The following EIF4EBP1 variants were observed in gnomAD, a reference collection of about 807,000 sequenced individuals.
The protein encoded by EIF4EBP1 is eukaryotic translation initiation factor 4E binding protein 1.
EIF4EBP1 carries 5 observed loss-of-function variants against 9.2 expected under a neutral mutation model. That is an observed-to-expected ratio of 0.54 (90% CI 0.28 to 1.14). The LOEUF (loss-of-function observed/expected upper bound fraction) is 1.14. Ranked by LOEUF, EIF4EBP1 falls within the 50% of genes most tolerant of loss-of-function variation. The pLI is 0.09. For synonymous variants in EIF4EBP1, 62 were observed against 67.0 expected (o/e 0.93, Z 0.36); for missense variants, 139 against 169.6 (o/e 0.82, Z 1.00).
intron 1 of EIF4EBP1, among the ~76,000 whole-genome samples, chr8:38,041,068 G>T (rs1361229966): frequency 5.9e-5 from 9 of 152,142 alleles, no homozygotes; most frequent in African/African-American, 2.2e-4. Flanking sequence ...CCAAAGTGCT[G>T]GGATTACAGG....
intron 1 of EIF4EBP1, among the ~76,000 whole-genome samples, chr8:38,050,935 C>G (rs1345928886): frequency 6.6e-6 from 1 of 152,128 alleles, no homozygotes; most frequent in South Asian, 2.1e-4. Flanking sequence ...TATCTTCACT[C>G]TTTATTCTGA....
In EIF4EBP1 at chr8:38,047,547, C is replaced by T. The variant is rs1490435277; in HGVS notation, c.146-9534C>T. Among the ~76,000 whole-genome samples the T allele has an allele frequency of 4.0e-5, 6 of 150,622 alleles. No individual in the cohort carries two copies. The East Asian group carries it at 9.8e-4, about 25-fold the overall frequency. ...TTGCCCAGGGTGGAATGCAGTGATG[C>T]GATCTCAACTCACTGCAACATCTGC... On this transcript the variant is annotated intron_variant, in intron 1 of 2. Coordinates refer to ENST00000338825, the MANE Select transcript of EIF4EBP1 (RefSeq NM_004095.4).
intron 1 of EIF4EBP1, 117 bp from the exon 2 acceptor site, chr8:38,056,964 C>T: frequency 9.1e-7 from 1 of 1,101,760 alleles, no homozygotes. Context: ...CACCCAGCCT[C>T]CTCTGGGTTT....
intron 1 of EIF4EBP1, among the ~76,000 whole-genome samples, chr8:38,033,081 T>C (rs1285440379): frequency 1.3e-5 from 2 of 149,150 alleles, no homozygotes; most frequent in East Asian, 3.9e-4. Flanking sequence ...TTTTTTTTTT[T>C]TGAGACAGGG....
chr8:38,045,904 AATT>A (rs1809442123), intron 1 of EIF4EBP1, among the ~76,000 whole-genome samples: 1 of 150,142 alleles, frequency 6.7e-6, no homozygotes, highest in Non-Finnish European at 1.5e-5. Flanking sequence ...ACACCTGACT[AATT>A]TTTTTTTTGT....
In EIF4EBP1 at chr8:38,057,306, T is replaced by C. The variant is rs761384193; in HGVS notation, c.325+46T>C. Reference sequence around the variant, plus strand: ...AGGCTCTACCTTGGGAAAGGGAATGTATGAGGCTCCTGGAGTCCATCCACT... The same window carrying C: ...AGGCTCTACCTTGGGAAAGGGAATGCATGAGGCTCCTGGAGTCCATCCACT... On this transcript the variant is annotated intron_variant, in intron 2 of 2. Coordinates refer to ENST00000338825, the MANE Select transcript of EIF4EBP1 (RefSeq NM_004095.4). The C allele has an allele frequency of 1.4e-5, 21 of 1,540,932 alleles. No homozygotes were observed. In the East Asian group the frequency reaches 4.3e-4, roughly 32 times the overall value.
chr8:38,042,040 G>A (rs749693666), intron 1 of EIF4EBP1, among the ~76,000 whole-genome samples: 8 of 151,158 alleles, frequency 5.3e-5, no homozygotes, highest in Admixed American at 2.6e-4. Context: ...ATGCTGGACC[G>A]CTAAGCAATC....
At chr8:38,059,520 G>A (rs1445728910) in intron 2 of EIF4EBP1, among the ~76,000 whole-genome samples, 1 of 152,114 alleles carries the variant, frequency 6.6e-6, no homozygotes, top group African/African-American at 2.4e-5. Flanking sequence ...GGGAGGCTGA[G>A]GAGGGTGGAT....
chr8:38,050,407 G>A (rs1384170238), intron 1 of EIF4EBP1, among the ~76,000 whole-genome samples: 1 of 152,028 alleles, frequency 6.6e-6, no homozygotes, highest in Non-Finnish European at 1.5e-5. Context: ...GGAGTATAGT[G>A]GTGCAGTCTT....
At chr8:38,039,933 G>A (rs552792215) in intron 1 of EIF4EBP1, among the ~76,000 whole-genome samples, 3 of 152,170 alleles carry the variant, frequency 2.0e-5, no homozygotes, top group African/African-American at 7.2e-5. Context: ...AGTGTCTATG[G>A]GCTGAAGTAC....
chr8:38,041,714 G>T (rs1809383005), intron 1 of EIF4EBP1, among the ~76,000 whole-genome samples: 1 of 152,156 alleles, frequency 6.6e-6, no homozygotes, highest in African/African-American at 2.4e-5. Flanking sequence ...CACAAGGTCG[G>T]GTGCAGTAGC....
At chr8:38,057,477 C>T (rs1809614730) in intron 2 of EIF4EBP1, among the ~76,000 whole-genome samples, 1 of 152,138 alleles carries the variant, frequency 6.6e-6, no homozygotes, top group Non-Finnish European at 1.5e-5. Context: ...CCAGGCACCT[C>T]AGGAAAGGTG....
intron 1 of EIF4EBP1, among the ~76,000 whole-genome samples, chr8:38,054,519 A>T (rs909823356): frequency 7.9e-5 from 12 of 152,112 alleles, no homozygotes; most frequent in Middle Eastern, 3.2e-3. Flanking sequence ...AGTCTCAAAG[A>T]TTAAGAAACA....
chr8:38,039,785 T>A lies in EIF4EBP1; in HGVS notation c.145+9067T>A, dbSNP rs150475389. Among the ~76,000 whole-genome samples the A allele has an allele frequency of 3.9e-5, 6 of 152,344 alleles. No homozygotes were observed. In the East Asian group the frequency reaches 1.2e-3, roughly 29 times the overall value. ...ACTTCATTTTAAGTCAAGGAACATT[T>A]GTATTAAACAGTATTGCTGGTATTT... On this transcript the variant is annotated intron_variant, in intron 1 of 2. Transcript: ENST00000338825.
intron 1 of EIF4EBP1, among the ~76,000 whole-genome samples, chr8:38,050,915 T>TGTAG (rs1480470473): frequency 6.6e-6 from 1 of 152,200 alleles, no homozygotes; most frequent in Non-Finnish European, 1.5e-5. Context: ...AATCAGTTTC[T>TGTAG]GTAGGTCTTT....
intron 1 of EIF4EBP1, among the ~76,000 whole-genome samples, chr8:38,037,505 G>A (rs140691690): frequency 6.6e-6 from 1 of 151,546 alleles, no homozygotes; most frequent in South Asian, 2.1e-4. Flanking sequence ...TAGTAGAGAC[G>A]GGGTTTACCA....
intron 1 of EIF4EBP1, among the ~76,000 whole-genome samples, chr8:38,045,390 T>C (rs891429995): frequency 2.0e-5 from 3 of 152,178 alleles, no homozygotes; most frequent in African/African-American, 7.2e-5. Context: ...ACAATGCCGT[T>C]GTTTTACAGG....
At chr8:38,030,858 G>A (rs1809207056) in intron 1 of EIF4EBP1, 140 bp downstream of exon 1, 1 of 1,270,638 alleles carries the variant, frequency 7.9e-7, no homozygotes, top group Non-Finnish European at 1.0e-6. Context: ...AGACAGCGAG[G>A]GTCATGGAAG....
Position 38,040,866 on chromosome 8 carries a change from C to CTGTTGTTGTTGTTGT in EIF4EBP1, c.145+10165_145+10179dup, listed in dbSNP as rs3067026. 6.3e-3 allele frequency among the ~76,000 whole-genome samples: 957 copies of CTGTTGTTGTTGTTGT among 151,572 alleles called. 9 individuals are homozygous for CTGTTGTTGTTGTTGT. The highest frequency in any genetic ancestry group is 0.022 in the African/African-American group (927 of 41,250). ...ATTCAGGGAGAGGGGAAATACATGCCTGTTGTTGTTGTTGTTGTTGTTGTT... is the reference window on the plus strand; with the variant it reads ...ATTCAGGGAGAGGGGAAATACATGCCTGTTGTTGTTGTTGTTGTTGTTGTTGTTGTTGTTGTTGTT... On this transcript the variant is annotated intron_variant, in intron 1 of 2. Transcript: ENST00000338825.
Sources: allele counts gnomAD v4.1 joint callset (sites outside exome capture counted in the v4.1 genomes callset), GRCh38; gene constraint gnomAD v4.1.1; transcripts MANE v1.5; gene names NCBI Gene and HGNC (gene_info 2026-07-23, HGNC 2026-07-21).